The following RC3H1 variants were observed in gnomAD, a reference collection of about 807,000 sequenced individuals.
RC3H1 encodes the protein ring finger and CCCH-type domains 1.
In RC3H1, 50 loss-of-function variants were observed where a neutral mutation model predicts 138.2. The ratio of observed to expected loss-of-function variants is 0.36; its 90% CI spans 0.29 to 0.46. RC3H1 has a LOEUF of 0.46. RC3H1 is among the 20% of genes least tolerant of loss of function. RC3H1 has a pLI of 1.00. For missense variants in RC3H1, 1,031 were observed against 1,388.1 expected, an observed-to-expected ratio of 0.74 and a Z score of 4.09; for synonymous variants, 462 against 489.1, an observed-to-expected ratio of 0.94 and a Z score of 0.73.
At chr1:173,967,349 T>C (rs61826771) in intron 9 of RC3H1, among the ~76,000 whole-genome samples, 14,154 of 152,134 alleles carry the variant, frequency 0.093, 878 homozygotes, top group East Asian at 0.22. Context: ...ATTATGAACA[T>C]GTACTTGCAC....
At chr1:174,018,648 A>T (rs1392408082) in intron 1 of RC3H1, among the ~76,000 whole-genome samples, 1 of 152,214 alleles carries the variant, frequency 6.6e-6, no homozygotes, top group African/African-American at 2.4e-5. Context: ...CGGTTCTGGG[A>T]AAAGGCTGAC....
intron 1 of RC3H1, among the ~76,000 whole-genome samples, chr1:174,021,111 T>C (rs1383784132): frequency 2.0e-5 from 3 of 152,164 alleles, no homozygotes; most frequent in Admixed American, 6.5e-5. Flanking sequence ...CACAAGAAGC[T>C]CTATGGCCGG....
At chr1:173,940,429 C>G (rs978962938) in intron 19 of RC3H1, among the ~76,000 whole-genome samples, 1 of 152,036 alleles carries the variant, frequency 6.6e-6, no homozygotes, top group Non-Finnish European at 1.5e-5. Context: ...CGAGATCGTG[C>G]CATTGCACTC....
At chr1:173,975,915 A>AG (rs1468696105) in intron 7 of RC3H1, among the ~76,000 whole-genome samples, 2 of 147,174 alleles carry the variant, frequency 1.4e-5, no homozygotes, top group Admixed American at 1.4e-4. Flanking sequence ...AAAAAAAAAA[A>AG]AAAAAAAAAA....
At chr1:173,976,919 ATTTC>A (rs972758111) in intron 7 of RC3H1, among the ~76,000 whole-genome samples, 3 of 140,632 alleles carry the variant, frequency 2.1e-5, no homozygotes, top group Non-Finnish European at 4.5e-5. Flanking sequence ...CAGGGATGTG[ATTTC>A]TTTTTTTTTT....
At chr1:173,978,061 A>C (rs1660658924) in intron 7 of RC3H1, among the ~76,000 whole-genome samples, 1 of 152,186 alleles carries the variant, frequency 6.6e-6, no homozygotes, top group African/African-American at 2.4e-5. Flanking sequence ...AAGCCTAAGT[A>C]AAGATATACA....
In RC3H1 at chr1:173,936,761, ATTTTTTT is replaced by A. The variant is rs746086742; in HGVS notation, c.*1953_*1959del. On this transcript the variant is annotated 3_prime_UTR_variant, in exon 20 of 20. Coordinates refer to ENST00000367696, the MANE Select transcript of RC3H1 (RefSeq NM_172071.4). ...TATATATATATATATATATATATATATTTTTTTTTTTTTTTTTAAAAAAAGAAGACAA... is the reference window on the plus strand; with the variant it reads ...TATATATATATATATATATATATATATTTTTTTTTTAAAAAAAGAAGACAA... 1 of 18,560 alleles carries A rather than the reference ATTTTTTT, an allele frequency of 5.4e-5. No homozygotes were observed. The highest frequency in any genetic ancestry group is 1.5e-3 in the East Asian group (1 of 646). The allele number at this position is 18,560 out of a possible 1,614,324, so 1.1% of individuals were successfully genotyped here.
At chr1:174,005,821 T>C (rs1342529088) in intron 1 of RC3H1, among the ~76,000 whole-genome samples, 2 of 152,214 alleles carry the variant, frequency 1.3e-5, no homozygotes, top group Non-Finnish European at 2.9e-5. Context: ...TCTATGTTGA[T>C]GAGCCAAAGT....
chr1:174,013,341 G>T (rs1490319474), intron 1 of RC3H1, among the ~76,000 whole-genome samples: 1 of 151,972 alleles, frequency 6.6e-6, no homozygotes, highest in Non-Finnish European at 1.5e-5. Context: ...GTAGCCACTA[G>T]GTACATGTGG....
At chr1:173,988,604 G>A (rs1438920744) in intron 2 of RC3H1, among the ~76,000 whole-genome samples, 1 of 152,182 alleles carries the variant, frequency 6.6e-6, no homozygotes, top group Non-Finnish European at 1.5e-5. Context: ...TACCTACTAT[G>A]TTAAGCTTAT....
chr1:173,975,073 A>G (rs904199813), intron 7 of RC3H1, among the ~76,000 whole-genome samples: 2 of 152,164 alleles, frequency 1.3e-5, no homozygotes, highest in Non-Finnish European at 2.9e-5. Context: ...CTTATCAGAT[A>G]TAAGATGATA....
At chr1:173,993,166 GT>G (rs1259961433) in intron 1 of RC3H1, 31 bp from the exon 2 acceptor site, 2 of 576,652 alleles carry the variant, frequency 3.5e-6, no homozygotes, top group African/African-American at 3.7e-5. Context: ...AAAAAATTGA[GT>G]GTCTTTCTTT....
intron 2 of RC3H1, among the ~76,000 whole-genome samples, chr1:173,987,292 GT>G (rs1210205353): frequency 6.6e-6 from 1 of 152,144 alleles, no homozygotes; most frequent in East Asian, 1.9e-4. Flanking sequence ...CGGGAGATTT[GT>G]TTCTTTCTTC....
intron 1 of RC3H1, among the ~76,000 whole-genome samples, chr1:174,010,651 C>T (rs996927943): frequency 1.3e-5 from 2 of 148,300 alleles, no homozygotes; most frequent in African/African-American, 2.6e-5. Context: ...TAGACTCAAG[C>T]GATCCTCCTG....
chr1:173,997,208 G>A (rs1472257308), intron 1 of RC3H1, among the ~76,000 whole-genome samples: 1 of 152,074 alleles, frequency 6.6e-6, no homozygotes, highest in African/African-American at 2.4e-5. Context: ...CTGGGCAACG[G>A]AGCGAGACCT....
intron 2 of RC3H1, among the ~76,000 whole-genome samples, chr1:173,990,944 C>G (rs6677446): frequency 1.3e-5 from 2 of 152,120 alleles, no homozygotes; most frequent in African/African-American, 2.4e-5. Flanking sequence ...AAGTATGCAA[C>G]ACTAGCTGGG....
intron 1 of RC3H1, among the ~76,000 whole-genome samples, chr1:174,014,597 G>A (rs1244607510): frequency 6.6e-6 from 1 of 152,138 alleles, no homozygotes; most frequent in African/African-American, 2.4e-5. Context: ...AGTAGAACTT[G>A]ATCAAAAATA....
At chr1:174,016,470 G>A (rs1454034925) in intron 1 of RC3H1, among the ~76,000 whole-genome samples, 1 of 143,566 alleles carries the variant, frequency 7.0e-6, no homozygotes, top group Non-Finnish European at 1.5e-5. Flanking sequence ...TATTGCCCAG[G>A]CTGGTCTGGA....
chr1:173,975,885 G>A (rs1401976222), intron 7 of RC3H1, among the ~76,000 whole-genome samples: 4 of 38,098 alleles, frequency 1.0e-4, no homozygotes, highest in South Asian at 1.0e-3. Context: ...GCGACAGAGC[G>A]AGACTCCGTC....
Sources: gnomAD v4.1 joint callset for allele counts (sites outside exome capture counted in the v4.1 genomes callset) on GRCh38, gnomAD v4.1.1 for gene constraint, MANE v1.5 for transcripts, NCBI Gene and HGNC (gene_info 2026-07-23, HGNC 2026-07-21) for gene names.